The following RNF125 variants were observed in gnomAD, a reference collection of about 807,000 sequenced individuals.
RNF125 encodes ring finger protein 125, also known as E3 ubiquitin-protein ligase RNF125.
A neutral mutation model predicts 26.0 loss-of-function variants in RNF125; 21 were observed. That is an observed-to-expected ratio of 0.81 (90% CI 0.57 to 1.16). RNF125 has a LOEUF of 1.16. RNF125 is among the 50% of genes most tolerant of loss of function. RNF125 has a pLI of 0.00. For missense variants in RNF125, 270 were observed against 299.4 expected (o/e 0.90, Z 0.72); for synonymous variants, 95 against 109.2 (o/e 0.87, Z 0.81).
At chr18:32,050,268 T>G (rs1353542961) in intron 4 of RNF125, among the ~76,000 whole-genome samples, 1 of 152,222 alleles carries the variant, frequency 6.6e-6, no homozygotes, top group Non-Finnish European at 1.5e-5. Context: ...ATATGCATCC[T>G]TAAGAGCCAA....
At chr18:32,036,832 C>T (rs1369077238) in intron 1 of RNF125, among the ~76,000 whole-genome samples, 4 of 152,048 alleles carry the variant, frequency 2.6e-5, no homozygotes, top group Admixed American at 6.6e-5. Flanking sequence ...TTTAAAGTAT[C>T]GTTTAAACTT....
chr18:32,063,352 A>C (rs1000844430), intron 4 of RNF125, among the ~76,000 whole-genome samples: 3 of 152,162 alleles, frequency 2.0e-5, no homozygotes, highest in African/African-American at 7.2e-5. Context: ...TAGAAGTGCA[A>C]ATTAAAACCA....
At chr18:32,025,498 T>C (rs1044817672) in intron 1 of RNF125, among the ~76,000 whole-genome samples, 1 of 151,710 alleles carries the variant, frequency 6.6e-6, no homozygotes, top group African/African-American at 2.4e-5. Flanking sequence ...ACCCCGTTTC[T>C]CTAAAAATAC....
downstream of RNF125, among the ~76,000 whole-genome samples, chr18:32,077,301 T>C (rs1488580952): frequency 6.7e-6 from 1 of 150,136 alleles, no homozygotes; most frequent in Non-Finnish European, 1.5e-5. Flanking sequence ...GCCACTGCAT[T>C]CCAGCCTGGG....
At chr18:32,064,398 T>TTC (rs1555694458) in intron 4 of RNF125, among the ~76,000 whole-genome samples, 1 of 117,564 alleles carries the variant, frequency 8.5e-6, no homozygotes, top group African/African-American at 3.0e-5. Flanking sequence ...TTCTTTTTCT[T>TTC]TTTTTTTTTT....
intron 4 of RNF125, among the ~76,000 whole-genome samples, chr18:32,049,291 A>G (rs2039301887): frequency 6.6e-6 from 1 of 152,206 alleles, no homozygotes; most frequent in Admixed American, 6.5e-5. Flanking sequence ...CTAGGCTTTA[A>G]AGGGGATAGG....
chr18:32,037,639 T>C (rs1207929965), intron 2 of RNF125, among the ~76,000 whole-genome samples: 1 of 152,122 alleles, frequency 6.6e-6, no homozygotes, highest in Non-Finnish European at 1.5e-5. Context: ...CCCAAAGTGC[T>C]GGTGAGATGT....
Position 32,071,731 on chromosome 18 carries a change from C to G in RNF125, c.*3347C>G, listed in dbSNP as rs2039535863. 6.6e-6 allele frequency: 1 copy of G among 152,118 alleles called. No individual in the cohort carries two copies. Among genetic ancestry groups the G allele is most frequent in the African/African-American group, 2.4e-5 (1 of 41,434 alleles). 9.4% of individuals were successfully genotyped at this position (152,118 alleles called of 1,614,324 possible). The stretch of plus-strand genomic sequence containing the variant: ...CTTGCTACAGTTCTTTTATCCAGTA[C>G]AAATAATTGGGAAAATGTAAAGCTG... On this transcript the variant is annotated 3_prime_UTR_variant, in exon 6 of 6. Coordinates refer to ENST00000217740, the MANE Select transcript of RNF125 (RefSeq NM_017831.4).
the RNF125 span, among the ~76,000 whole-genome samples, chr18:32,080,068 G>A: frequency 6.6e-6 from 1 of 152,150 alleles, no homozygotes; most frequent in South Asian, 2.1e-4. Flanking sequence ...CCGCTCTGTC[G>A]CCCAGGCTGG....
chr18:32,027,255 T>C (rs2039045958), intron 1 of RNF125, among the ~76,000 whole-genome samples: 1 of 151,482 alleles, frequency 6.6e-6, no homozygotes, highest in South Asian at 2.1e-4. Flanking sequence ...ATTTAACAAA[T>C]TTCATAAGGA....
chr18:32,041,620 CTTTT>C (rs60264747), intron 2 of RNF125, among the ~76,000 whole-genome samples: 2,108 of 93,280 alleles, frequency 0.023, 369 homozygotes, highest in South Asian at 0.053. Flanking sequence ...AATGTAGATG[CTTTT>C]TTTTTTTTTT....
At chr18:32,064,085 C>T (rs1279176924) in intron 4 of RNF125, among the ~76,000 whole-genome samples, 1 of 151,590 alleles carries the variant, frequency 6.6e-6, no homozygotes, top group Non-Finnish European at 1.5e-5. Context: ...ACCTCTGCCT[C>T]CTGGGTTCAA....
chr18:32,021,375 CG>C (rs1389238668), intron 1 of RNF125, among the ~76,000 whole-genome samples: 1 of 152,196 alleles, frequency 6.6e-6, no homozygotes, highest in Non-Finnish European at 1.5e-5. Flanking sequence ...CCATGGAGCC[CG>C]GCCGTAGCTG....
chr18:32,050,961 G>A (rs926005879), intron 4 of RNF125, among the ~76,000 whole-genome samples: 2 of 127,864 alleles, frequency 1.6e-5, no homozygotes, highest in Admixed American at 9.8e-5. Flanking sequence ...GAGCTCAAGC[G>A]ATCTGCTCTC....
Position 32,036,167 on chromosome 18 carries a change from AAAAG to A in RNF125, c.165-947_165-944del, listed in dbSNP as rs1234154769. On this transcript the variant is annotated intron_variant, in intron 1 of 5. Coordinates refer to ENST00000217740, the MANE Select transcript of RNF125 (RefSeq NM_017831.4). ...AAGACTCCATCTCAAAAAAAAAAAA[AAAAG>A]AGAAGGAAACAAGAGGGGAAATTTT... is the stretch of plus-strand genomic sequence containing the variant. Among the ~76,000 whole-genome samples, 6 of 152,028 alleles carry A rather than the reference AAAAG, an allele frequency of 3.9e-5. No individual in the cohort carries two copies. In the East Asian group the frequency reaches 9.7e-4, roughly 24 times the overall value.
In RNF125 at chr18:32,067,247, C is replaced by T. The variant is rs574093338; in HGVS notation, c.613-1051C>T. On this transcript the variant is annotated intron_variant, in intron 5 of 5. Coordinates refer to ENST00000217740, the MANE Select transcript of RNF125 (RefSeq NM_017831.4). ...CAGCCTGGGTGACAGAGCGAGACTC[C>T]GTCTCAAGAGGTTTCTCTTTACCTT... Among the ~76,000 whole-genome samples, 5 of 152,236 alleles carry T rather than the reference C, an allele frequency of 3.3e-5. No individual in the cohort carries two copies. The South Asian group carries it at 8.3e-4, about 25-fold the overall frequency.
rs531751585 is a variant in RNF125 at position 32,050,865 on chromosome 18, C to CTTTTTTTTT, written c.504+5159_504+5167dup. 2.0e-3 allele frequency among the ~76,000 whole-genome samples: 93 copies of CTTTTTTTTT among 46,340 alleles called. 24 individuals carry two copies. The highest frequency in any genetic ancestry group is 2.6e-3 in the Non-Finnish European group (67 of 25,614). The allele number at this position is 46,340 out of a possible 152,430, so 30.4% of individuals were successfully genotyped here. ...CCAGCTAGTCTCTCGGTCTAGAGTG[C>CTTTTTTTTT]TTTTTTTTTTTTTTTTTTTTTTTTT... On this transcript the variant is annotated intron_variant, in intron 4 of 5. Transcript: ENST00000217740.
At chr18:32,037,989 T>A (rs2039176975) in intron 2 of RNF125, among the ~76,000 whole-genome samples, 1 of 151,446 alleles carries the variant, frequency 6.6e-6, no homozygotes, top group East Asian at 1.9e-4. Context: ...GGGAGCTTTG[T>A]CCTTTTGCTC....
At chr18:32,061,871 G>A (rs536704540) in intron 4 of RNF125, among the ~76,000 whole-genome samples, 1 of 152,324 alleles carries the variant, frequency 6.6e-6, no homozygotes, top group East Asian at 1.9e-4. Context: ...AGTAAATGGT[G>A]TATTATTTTA....
Sources: gnomAD v4.1 joint callset for allele counts (sites outside exome capture counted in the v4.1 genomes callset) on GRCh38, gnomAD v4.1.1 for gene constraint, MANE v1.5 for transcripts, NCBI Gene and HGNC (gene_info 2026-07-23, HGNC 2026-07-21) for gene names.